CAPZB: variants seen among roughly 807,000 people sequenced by gnomAD.
The protein encoded by CAPZB is F-actin-capping protein subunit beta.
In CAPZB, 2 loss-of-function variants were observed where a neutral mutation model predicts 38.1. That is an observed-to-expected ratio of 0.05 (90% CI 0.02 to 0.17). CAPZB has a LOEUF of 0.17. Ranked by LOEUF, CAPZB falls within the 10% of genes least tolerant of loss-of-function variation. CAPZB has a pLI of 1.00. For missense variants in CAPZB, 161 were observed against 334.2 expected, an observed-to-expected ratio of 0.48 and a Z score of 4.04; for synonymous variants, 107 against 127.4, an observed-to-expected ratio of 0.84 and a Z score of 1.08.
At chr1:19,432,871 T>C (rs1274253311) in intron 1 of CAPZB, among the ~76,000 whole-genome samples, 1 of 152,184 alleles carries the variant, frequency 6.6e-6, no homozygotes. Context: ...CAAAATCAGA[T>C]AGGGGCAATG....
At chr1:19,343,000 G>T (rs1558166946) in intron 8 of CAPZB, 1 of 670,416 alleles carries the variant, frequency 1.5e-6, no homozygotes, top group East Asian at 2.7e-5. Context: ...GCGGCTCTGG[G>T]GTGTGGAGTG....
intron 1 of CAPZB, among the ~76,000 whole-genome samples, chr1:19,456,250 T>G (rs1252856913): frequency 6.6e-6 from 1 of 152,196 alleles, no homozygotes; most frequent in East Asian, 1.9e-4. Flanking sequence ...AACAATCTGC[T>G]GCTATAGTAA....
chr1:19,358,016 C>G (rs1488502229), intron 4 of CAPZB, among the ~76,000 whole-genome samples: 2 of 152,232 alleles, frequency 1.3e-5, no homozygotes, highest in Non-Finnish European at 2.9e-5. Flanking sequence ...CCCTCCTGAG[C>G]CTGGCAGACC....
At chr1:19,419,909 G>C (rs759627732) in intron 1 of CAPZB, 159 bp from the exon 2 acceptor site, 2 of 590,238 alleles carry the variant, frequency 3.4e-6, no homozygotes, top group East Asian at 2.9e-5. Context: ...TGGAGCGGGG[G>C]GCGACTGTGC....
chr1:19,455,085 C>T (rs150837806), intron 1 of CAPZB, among the ~76,000 whole-genome samples: 1,971 of 152,366 alleles, frequency 0.013, 41 homozygotes, highest in African/African-American at 0.044. Context: ...TGCAGGCAGC[C>T]TGGCTGTGGA....
intron 2 of CAPZB, among the ~76,000 whole-genome samples, chr1:19,404,543 T>TAAAAAA (rs11356951): frequency 1.6e-5 from 2 of 128,030 alleles, no homozygotes; most frequent in African/African-American, 2.9e-5. Context: ...AACTCCATGT[T>TAAAAAA]AAAAAAAAAA....
Position 19,357,350 on chromosome 1 carries a change from G to A in CAPZB, c.471+72C>T. ...GCATCCCCCTACTGCATCTGTTAGAGAGCAGCGCGGCACTGGTTGGTGTGC... is the reference window on the plus strand; with the variant it reads ...GCATCCCCCTACTGCATCTGTTAGAAAGCAGCGCGGCACTGGTTGGTGTGC... On this transcript the variant is annotated intron_variant, in intron 5 of 8. Coordinates refer to ENST00000264202, the MANE Select transcript of CAPZB (RefSeq NM_004930.5). This position sits in a 1 kb window ranked among gnomAD's most constrained non-coding sequence, Gnocchi z 4.3. The A allele has an allele frequency of 7.1e-7, 1 of 1,399,692 alleles. No homozygotes were observed. Among genetic ancestry groups the A allele is most frequent in the Admixed American group, 1.7e-5 (1 of 57,544 alleles). The allele number at this position is 1,399,692 out of a possible 1,614,324, so 86.7% of individuals were successfully genotyped here. A position where few individuals can be genotyped will look rare whatever the true frequency, so the allele number is the denominator to read the frequency against.
chr1:19,363,260 AT>A (rs10641267), intron 4 of CAPZB, among the ~76,000 whole-genome samples: 2,776 of 123,108 alleles, frequency 0.023, 84 homozygotes, highest in African/African-American at 0.073. Context: ...TAAAAAAAAA[AT>A]TTTTTTTTTT....
intron 1 of CAPZB, chr1:19,484,579 C>G: frequency 8.1e-7 from 1 of 1,241,794 alleles, no homozygotes; most frequent in Non-Finnish European, 1.0e-6. Context: ...ACTGAGAAGG[C>G]ACAGCACCGG....
intron 8 of CAPZB, among the ~76,000 whole-genome samples, chr1:19,343,257 G>A (rs1402827480): frequency 6.6e-6 from 1 of 152,232 alleles, no homozygotes; most frequent in Non-Finnish European, 1.5e-5. Flanking sequence ...CCCCAGGTGG[G>A]CAGGGGATCA....
intron 6 of CAPZB, among the ~76,000 whole-genome samples, chr1:19,355,275 C>G (rs919826094): frequency 7.9e-5 from 12 of 152,164 alleles, no homozygotes; most frequent in Non-Finnish European, 1.3e-4. Flanking sequence ...GGGCGGATCA[C>G]TTGAGGTCAG....
intron 1 of CAPZB, among the ~76,000 whole-genome samples, chr1:19,443,562 G>A (rs1047850162): frequency 2.0e-5 from 3 of 152,158 alleles, no homozygotes; most frequent in Non-Finnish European, 4.4e-5. Flanking sequence ...AAACCTCCCT[G>A]AGCCAAAATT....
At chr1:19,404,527 G>C (rs1005713052) in intron 2 of CAPZB, among the ~76,000 whole-genome samples, 1 of 132,122 alleles carries the variant, frequency 7.6e-6, no homozygotes, top group Non-Finnish European at 1.6e-5. Flanking sequence ...CTGGGTGACA[G>C]AGCAAAACTC....
At chr1:19,443,667 C>G (rs10737477) in intron 1 of CAPZB, among the ~76,000 whole-genome samples, 114,270 of 152,122 alleles carry the variant, frequency 0.75, 43,019 homozygotes, top group Admixed American at 0.81. Context: ...ATGTGACACT[C>G]AGTGTCTCCG....
chr1:19,442,647 C>T (rs528272497), intron 1 of CAPZB, among the ~76,000 whole-genome samples: 1 of 152,284 alleles, frequency 6.6e-6, no homozygotes, highest in African/African-American at 2.4e-5. Flanking sequence ...CCTCCCGGGG[C>T]AGGGGGCCAA....
chr1:19,358,068 C>T (rs1377399200), intron 4 of CAPZB, among the ~76,000 whole-genome samples: 1 of 152,230 alleles, frequency 6.6e-6, no homozygotes, highest in Non-Finnish European at 1.5e-5. Context: ...CTACAAAGCG[C>T]TAGCCGGAAA....
At chr1:19,399,947 C>T (rs570238040) in intron 2 of CAPZB, among the ~76,000 whole-genome samples, 23 of 152,184 alleles carry the variant, frequency 1.5e-4, no homozygotes, top group African/African-American at 4.3e-4. Flanking sequence ...CCCAGCTCTT[C>T]GGTTCACAGC....
rs2094021698 is a variant in CAPZB, at chr1:19,356,509, T to C, written c.588+126A>G. ...TTGAAAATGCAAAGCCCTACTTAGA[T>C]GGTGGATTTATAGCTGGCTGAACAT... is the stretch of plus-strand genomic sequence containing the variant. On this transcript the variant is annotated intron_variant, in intron 6 of 8. Transcript: ENST00000264202. The surrounding 1 kb of genome is among the most constrained non-coding windows in gnomAD (Gnocchi z 4.3). The C allele has an allele frequency of 6.6e-6, 5 of 755,920 alleles. No individual in the cohort carries two copies. The highest frequency in any genetic ancestry group is 5.7e-5 in the South Asian group (4 of 70,542). The allele number at this position is 755,920 out of a possible 1,614,324, so 46.8% of individuals were successfully genotyped here. A position where few individuals can be genotyped will look rare whatever the true frequency, so the allele number is the denominator to read the frequency against.
chr1:19,345,925 G>A (rs2093958134), intron 6 of CAPZB, among the ~76,000 whole-genome samples: 1 of 152,172 alleles, frequency 6.6e-6, no homozygotes, highest in African/African-American at 2.4e-5. Context: ...GAGGTTATGA[G>A]GGGGGCAGCA....
Sources: allele counts gnomAD v4.1 joint callset (sites outside exome capture counted in the v4.1 genomes callset), GRCh38; gene constraint gnomAD v4.1.1; non-coding constraint Gnocchi (gnomAD v3.1); transcripts MANE v1.5; gene names NCBI Gene and HGNC (gene_info 2026-07-23, HGNC 2026-07-21).